The following SCAF11 variants were observed in gnomAD, a reference collection of about 807,000 sequenced individuals.
SCAF11 encodes the protein protein SCAF11.
Under a neutral mutation model 140.5 loss-of-function variants are expected in SCAF11, and 47 were observed. The observed-to-expected ratio is 0.33, with a 90% CI of 0.26 to 0.43. SCAF11 has a LOEUF of 0.43. SCAF11 is among the 20% of genes least tolerant of loss of function. The pLI is 1.00. For missense variants in SCAF11, 1,645 were observed against 1,705.1 expected (o/e 0.96, Z 0.62); for synonymous variants, 557 against 579.4 (o/e 0.96, Z 0.55).
chr12:45,943,650 C>A (rs1945357163), intron 6 of SCAF11, among the ~76,000 whole-genome samples: 1 of 152,118 alleles, frequency 6.6e-6, no homozygotes, highest in South Asian at 2.1e-4. Context: ...AACTACCATA[C>A]CCAGTTCCCT....
At chr12:45,922,228 C>A in intron 14 of SCAF11, 34 bp from the exon 15 acceptor site, 1 of 1,578,246 alleles carries the variant, frequency 6.3e-7, no homozygotes, top group Non-Finnish European at 8.6e-7. Flanking sequence ...AAACTTTTTT[C>A]ATGCTTAAAG....
In SCAF11 at chr12:45,923,122, G is replaced by A. The variant is rs2136492458; in HGVS notation, c.3939C>T (p.Asn1313=). The A allele has an allele frequency of 1.2e-6, 2 of 1,614,122 alleles. No homozygotes were observed. Among genetic ancestry groups the A allele is most frequent in the Non-Finnish European group, 1.7e-6 (2 of 1,179,994 alleles). The change falls in exon 13 of 15, where the codon AAC becomes AAT. Residue 1313 remains asparagine, a synonymous_variant. Coordinates refer to ENST00000369367, the MANE Select transcript of SCAF11 (RefSeq NM_004719.3). The stretch of plus-strand genomic sequence containing the variant: ...GAGCAGGCAAAACTGGTGTACTCAT[G>A]TTATTACTTACATGAGAAGAACTAG... ...GIPSSSHVSN[N]MSTPVLPAPT...
chr12:45,943,100 A>C (rs1302823729), intron 6 of SCAF11, among the ~76,000 whole-genome samples: 1 of 152,190 alleles, frequency 6.6e-6, no homozygotes, highest in Non-Finnish European at 1.5e-5. Flanking sequence ...TTCATCCAAT[A>C]AATAATCTAT....
Position 45,926,990 on chromosome 12 carries a change from C to A in SCAF11, c.2711G>T (p.Gly904Val), listed in dbSNP as rs1944885732. Reference protein sequence around the residue: ...SQPRVKDSSPGEKSRSQSRER... With the variant: ...SQPRVKDSSPVEKSRSQSRER... ...TCTGCTCTGGGACCTGGATTTTTCT[C>A]CTGGGGAAGAATCTTTCACTCTTGG... Residue 904 changes from glycine (G) to valine (V), a missense_variant, in exon 11 of 15, where the codon GGA (glycine) becomes GTA (valine). Gly to Val is a moderately radical substitution (Grantham distance 109). Transcript: ENST00000369367. 3.7e-6 allele frequency: 6 copies of A among 1,613,104 alleles called. No homozygotes were observed. The East Asian group carries it at 1.1e-4, about 30-fold the overall frequency.
In SCAF11 at chr12:45,926,471, T is replaced by C. The variant is rs750855906; in HGVS notation, c.3230A>G (p.Asn1077Ser). The C allele has an allele frequency of 3.7e-6, 6 of 1,614,224 alleles. No homozygotes were observed. The Admixed American group carries it at 8.3e-5, about 22-fold the overall frequency. ...ACTTCTGTAAGTGCCTCTGCCACGG[T>C]TGCCTCTGCCTCTACCACGGTTAGA... ...WVSNRGRGRGNRGRGTYRSSF... is the reference protein window; with the variant it reads ...WVSNRGRGRGSRGRGTYRSSF... The change falls in exon 11 of 15, where the codon AAC (asparagine) becomes AGC (serine). Residue 1077 changes from asparagine (N) to serine (S), a missense_variant. Asn to Ser is a conservative substitution (Grantham distance 46). Around this residue, in one of 2 missense-constraint regions of SCAF11, gnomAD observed 1,582 missense variants for 1,609.2 expected, o/e 0.98. Transcript: ENST00000369367.
chr12:45,942,442 C>T lies in SCAF11; in HGVS notation c.463+2807G>A, dbSNP rs186899717. On this transcript the variant is annotated intron_variant, in intron 6 of 14. Coordinates refer to ENST00000369367, the MANE Select transcript of SCAF11 (RefSeq NM_004719.3). ...GTCTATGATTTTCTTCCCTTCACAGCCAGAGTAATCCTTTTAAAATGTACC... is the reference window on the plus strand; with the variant it reads ...GTCTATGATTTTCTTCCCTTCACAGTCAGAGTAATCCTTTTAAAATGTACC... Among the ~76,000 whole-genome samples the T allele has an allele frequency of 3.0e-3, 452 of 152,306 alleles. 2 individuals carry two copies. The highest frequency in any genetic ancestry group is 5.0e-3 in the Non-Finnish European group (343 of 68,030).
chr12:45,975,256 C>T (rs1450024231), intron 1 of SCAF11: 1 of 152,212 alleles, frequency 6.6e-6, no homozygotes, highest in Admixed American at 6.5e-5. Flanking sequence ...AATTTATAGT[C>T]ACCAGCTGCA....
intron 1 of SCAF11, chr12:45,974,080 G>A (rs1194023920): frequency 9.8e-6 from 4 of 410,246 alleles, no homozygotes; most frequent in Non-Finnish European, 2.0e-5. Context: ...AATAAAGCAA[G>A]TCACACAAAA....
rs1208034241 is a variant in SCAF11, at chr12:45,923,021, T to C, written c.4040A>G (p.Lys1347Arg). The C allele has an allele frequency of 1.9e-6, 3 of 1,614,068 alleles. No homozygotes were observed. Among genetic ancestry groups the C allele is most frequent in the African/African-American group, 1.3e-5 (1 of 74,926 alleles). The change falls in exon 13 of 15, where the codon AAA (lysine) becomes AGA (arginine). Residue 1347 changes from lysine (K) to arginine (R), a missense_variant. Around this residue, in one of 2 missense-constraint regions of SCAF11, gnomAD observed 1,582 missense variants for 1,609.2 expected, o/e 0.98. Coordinates refer to ENST00000369367, the MANE Select transcript of SCAF11 (RefSeq NM_004719.3). ...CAATTTTACAGCAGCATTAGAGGCTTTGCTGTGACTTGATGACGAAGTATT... is the reference window on the plus strand; with the variant it reads ...CAATTTTACAGCAGCATTAGAGGCTCTGCTGTGACTTGATGACGAAGTATT... ...SGNTSSSSHSKASNAAVKLAE... is the reference protein window; with the variant it reads ...SGNTSSSSHSRASNAAVKLAE...
chr12:45,972,959 GATATATAT>G (rs879822532), intron 1 of SCAF11, among the ~76,000 whole-genome samples: 27 of 117,922 alleles, frequency 2.3e-4, no homozygotes, highest in African/African-American at 9.0e-4. Flanking sequence ...TAGATATATA[GATATATAT>G]ATAGATATAT....
chr12:45,934,035 C>A (rs916423244), intron 8 of SCAF11, 141 bp downstream of exon 8: 2 of 532,224 alleles, frequency 3.8e-6, no homozygotes, highest in Non-Finnish European at 6.6e-6. Context: ...ACCTTCCCCC[C>A]CGCCCAAAAA....
In SCAF11 at chr12:45,919,998, A is replaced by C. The variant is rs370644814; in HGVS notation, c.*2050T>G. 2.0e-4 allele frequency: 30 copies of C among 152,344 alleles called. No homozygotes were observed. The East Asian group carries it at 2.1e-3, about 11-fold the overall frequency. 9.4% of individuals were successfully genotyped at this position (152,344 alleles called of 1,614,324 possible). ...TCAATGTTCACAAAATTGTTTCTAG[A>C]GTTCTAATCTAAAACAACTAAGGAG... On this transcript the variant is annotated 3_prime_UTR_variant, in exon 15 of 15. Coordinates refer to ENST00000369367, the MANE Select transcript of SCAF11 (RefSeq NM_004719.3).
intron 3 of SCAF11, chr12:45,961,306 A>G (rs1945819357): frequency 1.4e-6 from 1 of 715,624 alleles, no homozygotes; most frequent in African/African-American, 1.7e-5. Context: ...AAATCAAATA[A>G]CCTATGTGAA....
chr12:45,945,378 C>T, intron 5 of SCAF11, 65 bp from the exon 6 acceptor site: 1 of 911,876 alleles, frequency 1.1e-6, no homozygotes, highest in Non-Finnish European at 1.7e-6. Context: ...CACTTATTTT[C>T]AACTCATTCT....
chr12:45,990,883 C>T (rs1050614252), upstream of SCAF11, among the ~76,000 whole-genome samples: 1 of 152,242 alleles, frequency 6.6e-6, no homozygotes, highest in African/African-American at 2.4e-5. Flanking sequence ...CTTCCAGCAC[C>T]GCCCTTCGCC....
chr12:45,961,394 A>G (rs1013691510), intron 3 of SCAF11: 3 of 703,258 alleles, frequency 4.3e-6, no homozygotes, highest in Non-Finnish European at 5.3e-6. Flanking sequence ...TATTAAGCAC[A>G]GAGTCAAGTA....
At chr12:45,957,270 A>G (rs1368589913) in intron 3 of SCAF11, among the ~76,000 whole-genome samples, 2 of 152,154 alleles carry the variant, frequency 1.3e-5, no homozygotes, top group Non-Finnish European at 2.9e-5. Flanking sequence ...CAGATAATAA[A>G]GCTTTACTGA....
Position 45,921,480 on chromosome 12 carries a change from T to C in SCAF11, c.*568A>G, listed in dbSNP as rs1270224901. ...TCTCAATGTTTTGAACACTAAATTT[T>C]ACTCGTGATAATTTTTTTTCTATCT... On this transcript the variant is annotated 3_prime_UTR_variant, in exon 15 of 15. Transcript: ENST00000369367. The C allele has an allele frequency of 1.3e-5, 2 of 152,482 alleles. No individual in the cohort carries two copies. Among genetic ancestry groups the C allele is most frequent in the African/African-American group, 4.8e-5 (2 of 41,442 alleles). The allele number at this position is 152,482 out of a possible 1,614,324, so 9.4% of individuals were successfully genotyped here.
chr12:45,933,275 T>G (rs1489583815), intron 8 of SCAF11, 43 bp from the exon 9 acceptor site: 1 of 1,427,186 alleles, frequency 7.0e-7, no homozygotes. Context: ...CTCACAATTT[T>G]AGGTTCAAAA....
Sources: gnomAD v4.1 joint callset for allele counts (sites outside exome capture counted in the v4.1 genomes callset) on GRCh38, gnomAD v4.1.1 for gene constraint, gnomAD v4.1.1 regional missense constraint, MANE v1.5 for transcripts, NCBI Gene and HGNC (gene_info 2026-07-23, HGNC 2026-07-21) for gene names.